Variants in AGBL4 observed in about 807,000 individuals in gnomAD.
AGBL4 encodes AGBL carboxypeptidase 4.
A neutral mutation model predicts 66.4 loss-of-function variants in AGBL4; 58 were observed. That is an observed-to-expected ratio of 0.87 (90% CI 0.71 to 1.09). AGBL4 has a LOEUF of 1.09. Among genes scored for constraint, AGBL4 ranks in the 50% least tolerant of loss-of-function variants. The pLI, the probability that AGBL4 is intolerant of heterozygous loss-of-function variation, is 0.00. For synonymous variants in AGBL4, 234 were observed against 222.9 expected, an observed-to-expected ratio of 1.05 and a Z score of -0.44; for missense variants, 579 against 631.0, an observed-to-expected ratio of 0.92 and a Z score of 0.88.
intron 6 of AGBL4, among the ~76,000 whole-genome samples, chr1:48,755,933 G>T (rs1237559004): frequency 1.3e-5 from 2 of 152,146 alleles, no homozygotes; most frequent in East Asian, 3.9e-4. Context: ...TATTGTAAGA[G>T]GATACTGAGG....
intron 4 of AGBL4, among the ~76,000 whole-genome samples, chr1:49,051,084 A>G (rs1205476889): frequency 6.6e-6 from 1 of 152,108 alleles, no homozygotes; most frequent in Non-Finnish European, 1.5e-5. Context: ...GAAAGACAGG[A>G]GCCCTAATTT....
intron 11 of AGBL4, among the ~76,000 whole-genome samples, chr1:48,540,672 T>C (rs568903465): frequency 2.0e-5 from 3 of 152,314 alleles, no homozygotes; most frequent in South Asian, 2.1e-4. Flanking sequence ...AAGAGAATTA[T>C]GTGTTTACTC....
chr1:49,892,528 T>C (rs1420497316), intron 1 of AGBL4, among the ~76,000 whole-genome samples: 1 of 152,124 alleles, frequency 6.6e-6, no homozygotes, highest in Non-Finnish European at 1.5e-5. Context: ...ACCTGACCTG[T>C]TCCCTTCTAT....
intron 3 of AGBL4, among the ~76,000 whole-genome samples, chr1:49,656,877 A>G (rs1236924048): frequency 6.6e-6 from 1 of 152,226 alleles, no homozygotes; most frequent in Non-Finnish European, 1.5e-5. Flanking sequence ...AGAGCTACTT[A>G]TGACAAACCC....
At chr1:48,661,269 C>A (rs975172777) in intron 7 of AGBL4, among the ~76,000 whole-genome samples, 12 of 152,280 alleles carry the variant, frequency 7.9e-5, no homozygotes, top group African/African-American at 2.6e-4. Flanking sequence ...ACAGTGGGGG[C>A]ACTCACAATG....
At chr1:48,713,698 AG>A (rs1647002756) in intron 6 of AGBL4, among the ~76,000 whole-genome samples, 1 of 152,196 alleles carries the variant, frequency 6.6e-6, no homozygotes, top group Non-Finnish European at 1.5e-5. Flanking sequence ...GGCTCTAAGG[AG>A]GACCCTAAGG....
At chr1:49,599,474 T>A (rs1644912442) in intron 3 of AGBL4, among the ~76,000 whole-genome samples, 1 of 152,090 alleles carries the variant, frequency 6.6e-6, no homozygotes, top group Admixed American at 6.5e-5. Context: ...TTTTATTGCT[T>A]CTTCTATCAT....
intron 5 of AGBL4, among the ~76,000 whole-genome samples, chr1:48,898,210 T>C (rs2148865277): frequency 6.6e-6 from 1 of 152,326 alleles, no homozygotes; most frequent in African/African-American, 2.4e-5. Flanking sequence ...TAATCCCTTG[T>C]CGGATGGATA....
At chr1:49,272,008 G>C (rs944465319) in intron 3 of AGBL4, among the ~76,000 whole-genome samples, 2 of 152,208 alleles carry the variant, frequency 1.3e-5, no homozygotes, top group Non-Finnish European at 2.9e-5. Context: ...GAGAACTACA[G>C]TTTTGGAAGT....
At chr1:49,240,959 C>T (rs1651181952) in intron 4 of AGBL4, among the ~76,000 whole-genome samples, 1 of 151,932 alleles carries the variant, frequency 6.6e-6, no homozygotes, top group Non-Finnish European at 1.5e-5. Flanking sequence ...TTGTTCATGC[C>T]AGAAAATCTG....
intron 10 of AGBL4, among the ~76,000 whole-genome samples, chr1:48,589,308 A>G (rs1005923811): frequency 1.3e-5 from 2 of 152,188 alleles, no homozygotes; most frequent in African/African-American, 4.8e-5. Context: ...CTGGTTTGAC[A>G]TTCAAAAGTT....
intron 8 of AGBL4, among the ~76,000 whole-genome samples, chr1:48,651,618 A>G (rs373758126): frequency 4.9e-4 from 75 of 152,336 alleles, no homozygotes; most frequent in African/African-American, 1.7e-3. Flanking sequence ...CTAATGAACC[A>G]TCACTTCAGC....
rs1301343536 is a variant in AGBL4, at chr1:48,533,033, AACTC to A, written c.*1136_*1139del. The A allele has an allele frequency of 8.2e-6, 1 of 122,334 alleles. No individual in the cohort carries two copies. Among genetic ancestry groups the A allele is most frequent in the Non-Finnish European group, 1.7e-5 (1 of 58,942 alleles). The allele number at this position is 122,334 out of a possible 1,614,324, so 7.6% of individuals were successfully genotyped here. On this transcript the variant is annotated 3_prime_UTR_variant, in exon 14 of 14. Transcript: ENST00000371839. ...TTTGTAGCAAACTTCAATAATCTCC[AACTC>A]AAACAAACAAACAAACAAACAAACA...
At chr1:49,937,460 G>T (rs917804243) in intron 1 of AGBL4, among the ~76,000 whole-genome samples, 1 of 151,966 alleles carries the variant, frequency 6.6e-6, no homozygotes, top group African/African-American at 2.4e-5. Context: ...GGATACCCAG[G>T]AATTGAACTC....
intron 3 of AGBL4, among the ~76,000 whole-genome samples, chr1:49,337,695 A>G (rs1276166908): frequency 6.6e-6 from 1 of 152,206 alleles, no homozygotes; most frequent in Non-Finnish European, 1.5e-5. Flanking sequence ...CACCTTCTAC[A>G]TGGCATAGGC....
At chr1:49,356,720 T>C (rs569146555) in intron 3 of AGBL4, among the ~76,000 whole-genome samples, 2 of 152,084 alleles carry the variant, frequency 1.3e-5, no homozygotes, top group Non-Finnish European at 2.9e-5. Context: ...AGGAAAGAAG[T>C]GTGTTAGTGC....
At chr1:49,967,306 A>G (rs1272784074) in intron 1 of AGBL4, among the ~76,000 whole-genome samples, 1 of 152,186 alleles carries the variant, frequency 6.6e-6, no homozygotes, top group African/African-American at 2.4e-5. Flanking sequence ...AATGTGGCAC[A>G]TATACACCAT....
intron 3 of AGBL4, among the ~76,000 whole-genome samples, chr1:49,501,283 G>C (rs1204117812): frequency 6.6e-6 from 1 of 151,966 alleles, no homozygotes; most frequent in African/African-American, 2.4e-5. Flanking sequence ...GGTTTTCCTG[G>C]TATGTTCCTG....
At chr1:49,195,525 T>G (rs1187953489) in intron 4 of AGBL4, among the ~76,000 whole-genome samples, 1 of 152,172 alleles carries the variant, frequency 6.6e-6, no homozygotes, top group Admixed American at 6.5e-5. Flanking sequence ...AAGTCTGCTC[T>G]TAGTGTAATG....
Sources: allele counts gnomAD v4.1 joint callset (sites outside exome capture counted in the v4.1 genomes callset), GRCh38; gene constraint gnomAD v4.1.1; transcripts MANE v1.5; gene names NCBI Gene and HGNC (gene_info 2026-07-23, HGNC 2026-07-21).